Variants in HHAT observed in about 807,000 individuals in gnomAD.
The protein encoded by HHAT is hedgehog acyltransferase, also known as protein-cysteine N-palmitoyltransferase HHAT.
Under a neutral mutation model 70.8 loss-of-function variants are expected in HHAT, and 47 were observed. The ratio of observed to expected loss-of-function variants is 0.66; its 90% CI spans 0.53 to 0.85. The LOEUF is 0.85. Ranked by LOEUF, HHAT falls within the 40% of genes least tolerant of loss-of-function variation. The probability of loss-of-function intolerance (pLI) is 0.00; values close to 1 mark genes in which losing one functional copy is unlikely to be tolerated. For synonymous variants in HHAT, 228 were observed against 247.6 expected (o/e 0.92, Z 0.74); for missense variants, 609 against 604.8 (o/e 1.01, Z -0.07).
intron 1 of HHAT, among the ~76,000 whole-genome samples, chr1:210,347,178 C>A (rs74503954): frequency 5.3e-5 from 8 of 152,336 alleles, no homozygotes; most frequent in African/African-American, 1.9e-4. Flanking sequence ...TCCCCCGCCC[C>A]AGCCCCTGGC....
intron 1 of HHAT, among the ~76,000 whole-genome samples, chr1:210,336,778 G>T (rs767434203): frequency 5.3e-5 from 8 of 152,080 alleles, no homozygotes; most frequent in Non-Finnish European, 1.2e-4. Context: ...GTGAGACCCT[G>T]TTTAAGAAAA....
intron 10 of HHAT, among the ~76,000 whole-genome samples, chr1:210,603,140 G>GA (rs1664652586): frequency 6.6e-6 from 1 of 152,150 alleles, no homozygotes; most frequent in Admixed American, 6.5e-5. Flanking sequence ...GTTTCTTCTG[G>GA]AGTAAGACGG....
chr1:210,352,204 C>G (rs1189175983), intron 2 of HHAT, among the ~76,000 whole-genome samples: 1 of 152,214 alleles, frequency 6.6e-6, no homozygotes. Context: ...TGCTGTCATG[C>G]TGACCACCTC....
At chr1:210,467,966 A>T (rs576567974) in intron 8 of HHAT, among the ~76,000 whole-genome samples, 1 of 152,224 alleles carries the variant, frequency 6.6e-6, no homozygotes, top group African/African-American at 2.4e-5. Context: ...CTTCCTTGCC[A>T]TGCTAGTTCA....
chr1:210,459,772 C>T (rs1397433394), intron 7 of HHAT, among the ~76,000 whole-genome samples: 1 of 152,198 alleles, frequency 6.6e-6, no homozygotes, highest in South Asian at 2.1e-4. Context: ...GTCCTCTGTC[C>T]CAGTTGGCTG....
At chr1:210,472,911 G>A (rs1045255778) in intron 8 of HHAT, among the ~76,000 whole-genome samples, 2 of 152,146 alleles carry the variant, frequency 1.3e-5, no homozygotes, top group Admixed American at 6.6e-5. Context: ...ACCTAGAATC[G>A]ATAGAAAGGA....
chr1:210,332,459 C>T (rs1441237436), intron 1 of HHAT, among the ~76,000 whole-genome samples: 2 of 152,244 alleles, frequency 1.3e-5, no homozygotes, highest in South Asian at 2.1e-4. Context: ...CTCATTAATC[C>T]TCTCTACCAA....
chr1:210,518,279 C>T (rs1403524305), intron 9 of HHAT, among the ~76,000 whole-genome samples: 2 of 152,104 alleles, frequency 1.3e-5, no homozygotes, highest in East Asian at 1.9e-4. Context: ...CTGTTTTATT[C>T]TCTGTTACTG....
intron 7 of HHAT, among the ~76,000 whole-genome samples, chr1:210,435,167 A>G (rs2148337408): frequency 6.6e-6 from 1 of 151,516 alleles, no homozygotes. Context: ...TCACCAATCT[A>G]CTCTATCTTG....
intron 4 of HHAT, among the ~76,000 whole-genome samples, chr1:210,396,439 C>G (rs976888366): frequency 3.3e-5 from 5 of 152,140 alleles, no homozygotes; most frequent in African/African-American, 1.2e-4. Flanking sequence ...AGTAACAGCA[C>G]CAAATGCTGG....
chr1:210,592,691 G>A (rs1431267442), intron 10 of HHAT, among the ~76,000 whole-genome samples: 1 of 151,634 alleles, frequency 6.6e-6, no homozygotes, highest in Non-Finnish European at 1.5e-5. Flanking sequence ...CATTTTTTGT[G>A]TCCTCTTCGA....
chr1:210,462,411 G>A (rs897261744), intron 7 of HHAT: 1 of 152,214 alleles, frequency 6.6e-6, no homozygotes, highest in African/African-American at 2.4e-5. Context: ...TTTTGCATGA[G>A]TTGCGAGCCT....
At chr1:210,658,917 C>A (rs953833714) in intron 11 of HHAT, among the ~76,000 whole-genome samples, 1 of 152,152 alleles carries the variant, frequency 6.6e-6, no homozygotes, top group African/African-American at 2.4e-5. Flanking sequence ...GTACCAGAAT[C>A]TCTGGGACAC....
chr1:210,350,166 T>G (rs1263353578), intron 2 of HHAT, among the ~76,000 whole-genome samples: 1 of 152,190 alleles, frequency 6.6e-6, no homozygotes, highest in Non-Finnish European at 1.5e-5. Context: ...AACTTTAGAG[T>G]CAATTTGTTG....
chr1:210,450,745 T>A lies in HHAT; in HGVS notation c.857-13760T>A, dbSNP rs1392023335. On this transcript the variant is annotated intron_variant, in intron 7 of 11. Coordinates refer to ENST00000261458, the MANE Select transcript of HHAT (RefSeq NM_018194.6). ...CTGGAATGCTAGCAAATTTGAAAATTAGCTGAGGATTTATCTTTTGAGGGA... is the reference window on the plus strand; with the variant it reads ...CTGGAATGCTAGCAAATTTGAAAATAAGCTGAGGATTTATCTTTTGAGGGA... Among the ~76,000 whole-genome samples, 12 of 152,116 alleles carry A rather than the reference T, an allele frequency of 7.9e-5. No homozygotes were observed. In the East Asian group the frequency reaches 2.3e-3, roughly 29 times the overall value.
chr1:210,637,475 T>C (rs1672091231), intron 11 of HHAT, among the ~76,000 whole-genome samples: 1 of 151,968 alleles, frequency 6.6e-6, no homozygotes, highest in Non-Finnish European at 1.5e-5. Context: ...CGAAAATACA[T>C]CCAGAATATG....
intron 9 of HHAT, among the ~76,000 whole-genome samples, chr1:210,544,053 C>T (rs73079526): frequency 4.4e-4 from 67 of 152,312 alleles, no homozygotes; most frequent in African/African-American, 1.5e-3. Flanking sequence ...CTGTCTGTTT[C>T]GGGGTCTTTG....
intron 3 of HHAT, among the ~76,000 whole-genome samples, chr1:210,363,500 T>TC (rs2088583574): frequency 6.6e-6 from 1 of 152,198 alleles, no homozygotes; most frequent in Non-Finnish European, 1.5e-5. Context: ...GAGTATATAT[T>TC]CTGGGTAGGT....
chr1:210,495,745 C>T (rs887788357), intron 8 of HHAT, among the ~76,000 whole-genome samples: 2 of 152,040 alleles, frequency 1.3e-5, no homozygotes, highest in African/African-American at 4.8e-5. Flanking sequence ...TGGTGGCTCA[C>T]GCCTGTAATC....
Sources: allele counts gnomAD v4.1 joint callset (sites outside exome capture counted in the v4.1 genomes callset), GRCh38; gene constraint gnomAD v4.1.1; transcripts MANE v1.5; gene names NCBI Gene and HGNC (gene_info 2026-07-23, HGNC 2026-07-21).